GALNT17: variants seen among roughly 807,000 people sequenced by gnomAD.
GALNT17 encodes polypeptide N-acetylgalactosaminyltransferase 17.
GALNT17 carries 29 observed loss-of-function variants against 63.7 expected under a neutral mutation model. The observed-to-expected ratio is 0.46, with a 90% CI of 0.34 to 0.62. The LOEUF (loss-of-function observed/expected upper bound fraction) is 0.62, where lower values mean the gene tolerates loss of function less well. GALNT17 is among the 20% of genes least tolerant of loss of function. The pLI is 0.01. For synonymous variants in GALNT17, 305 were observed against 318.3 expected (o/e 0.96, Z 0.45); for missense variants, 603 against 799.6 (o/e 0.75, Z 2.97).
intron 9 of GALNT17, among the ~76,000 whole-genome samples, chr7:71,693,297 C>CATATATATATAT (rs1277874254): frequency 2.6e-5 from 3 of 115,664 alleles, no homozygotes; most frequent in African/African-American, 1.2e-4. Flanking sequence ...CACACACACA[C>CATATATATATAT]ACACACACAC....
intron 1 of GALNT17, among the ~76,000 whole-genome samples, chr7:71,187,643 G>A (rs924534022): frequency 5.3e-5 from 8 of 152,066 alleles, no homozygotes; most frequent in African/African-American, 1.9e-4. Context: ...AAATTCAGAG[G>A]TACTGACGTG....
Position 71,607,737 on chromosome 7 carries a change from GAAAA to G in GALNT17, c.1080+36340_1080+36343del, listed in dbSNP as rs369505693. The stretch of plus-strand genomic sequence containing the variant: ...AAACATAATTTCCCAAAGAAAAGGA[GAAAA>G]AAAACCCCACAGATTAAAAGAGGAA... On this transcript the variant is annotated intron_variant, in intron 6 of 10. Transcript: ENST00000333538. Among the ~76,000 whole-genome samples, 477 of 151,902 alleles carry G rather than the reference GAAAA, an allele frequency of 3.1e-3. 4 individuals are homozygous for G. The highest frequency in any genetic ancestry group is 0.01 in the African/African-American group (417 of 41,460).
chr7:71,292,615 T>G (rs1790997710), intron 1 of GALNT17, among the ~76,000 whole-genome samples: 1 of 150,300 alleles, frequency 6.7e-6, no homozygotes, highest in African/African-American at 2.5e-5. Context: ...TATCTCCACA[T>G]AGGTACCATT....
chr7:71,139,185 C>T (rs1189772036), intron 1 of GALNT17, among the ~76,000 whole-genome samples: 4 of 152,156 alleles, frequency 2.6e-5, no homozygotes, highest in African/African-American at 9.6e-5. Flanking sequence ...AGGGCAGAGC[C>T]AGGTTCAGGA....
At chr7:71,513,470 C>T (rs1473822610) in intron 5 of GALNT17, among the ~76,000 whole-genome samples, 1 of 151,964 alleles carries the variant, frequency 6.6e-6, no homozygotes, top group Non-Finnish European at 1.5e-5. Flanking sequence ...ACTGCAACCT[C>T]CGCCTCCCCA....
chr7:71,424,169 A>C (rs1283554200), intron 5 of GALNT17, among the ~76,000 whole-genome samples: 1 of 152,200 alleles, frequency 6.6e-6, no homozygotes, highest in Non-Finnish European at 1.5e-5. Context: ...GGTTAACTAA[A>C]TCTAAGCCTT....
At chr7:71,139,760 TG>T (rs1787852207) in intron 1 of GALNT17, among the ~76,000 whole-genome samples, 1 of 151,906 alleles carries the variant, frequency 6.6e-6, no homozygotes, top group African/African-American at 2.4e-5. Context: ...TGGGAGGCCG[TG>T]GTGGGCAGAT....
At chr7:71,382,791 A>T (rs1437610464) in intron 2 of GALNT17, among the ~76,000 whole-genome samples, 3 of 152,186 alleles carry the variant, frequency 2.0e-5, no homozygotes, top group Middle Eastern at 3.2e-3. Flanking sequence ...CAGGGGCAGG[A>T]TGGGGAGGTA....
At chr7:71,518,433 A>G (rs1788477095) in intron 5 of GALNT17, among the ~76,000 whole-genome samples, 1 of 152,200 alleles carries the variant, frequency 6.6e-6, no homozygotes. Context: ...CATCACTTCA[A>G]GCCATCAGTA....
intron 5 of GALNT17, among the ~76,000 whole-genome samples, chr7:71,434,266 A>G (rs1422241739): frequency 6.6e-6 from 1 of 152,108 alleles, no homozygotes; most frequent in Non-Finnish European, 1.5e-5. Context: ...TTATATATAC[A>G]TCTATCTTAT....
At chr7:71,503,247 C>T (rs968372980) in intron 5 of GALNT17, among the ~76,000 whole-genome samples, 3 of 152,142 alleles carry the variant, frequency 2.0e-5, no homozygotes, top group African/African-American at 7.2e-5. Context: ...TCATAATTTA[C>T]ATCACTTTTC....
intron 5 of GALNT17, among the ~76,000 whole-genome samples, chr7:71,498,245 G>A: frequency 6.6e-6 from 1 of 152,166 alleles, no homozygotes; most frequent in Non-Finnish European, 1.5e-5. Flanking sequence ...GTAGGCTGAG[G>A]TGGGCGGATC....
chr7:71,303,289 G>A, intron 1 of GALNT17, among the ~76,000 whole-genome samples: 1 of 152,066 alleles, frequency 6.6e-6, no homozygotes, highest in East Asian at 1.9e-4. Flanking sequence ...GAGGAGCAGA[G>A]ACTATAGGTG....
chr7:71,210,419 G>A (rs983768943), intron 1 of GALNT17, among the ~76,000 whole-genome samples: 1 of 152,186 alleles, frequency 6.6e-6, no homozygotes, highest in Non-Finnish European at 1.5e-5. Context: ...TTACAGGCAT[G>A]AGTCACCACT....
intron 3 of GALNT17, among the ~76,000 whole-genome samples, chr7:71,411,418 C>T (rs1302515155): frequency 6.6e-6 from 1 of 151,956 alleles, no homozygotes; most frequent in Non-Finnish European, 1.5e-5. Context: ...CCGTGCCTGG[C>T]CAAGGGGGTG....
At position 71,444,988 on chromosome 7, in the gene GALNT17, T is replaced by C. The variant is rs141610363; in HGVS notation, c.962+23883T>C. ...GCACTGGGAATATTCTCCAAAGCGG[T>C]GTCTCTGGAGGGAAAGTGACAGGAG... On this transcript the variant is annotated intron_variant, in intron 5 of 10. Transcript: ENST00000333538. Among the ~76,000 whole-genome samples, 286 of 152,126 alleles carry C rather than the reference T, an allele frequency of 1.9e-3. 1 individual carries two copies. Among genetic ancestry groups the C allele is most frequent in the African/African-American group, 6.0e-3 (248 of 41,504 alleles).
intron 9 of GALNT17, among the ~76,000 whole-genome samples, chr7:71,690,862 A>G (rs1791433712): frequency 6.6e-6 from 1 of 152,094 alleles, no homozygotes; most frequent in African/African-American, 2.4e-5. Context: ...AAACATGAAC[A>G]AAGAGTTGTT....
chr7:71,413,525 C>T (rs920223167), intron 3 of GALNT17, among the ~76,000 whole-genome samples: 1 of 131,812 alleles, frequency 7.6e-6, no homozygotes, highest in African/African-American at 3.0e-5. Context: ...GCCACCATGC[C>T]CAGCTATTAT....
chr7:71,409,561 G>A (rs959395777), intron 3 of GALNT17, among the ~76,000 whole-genome samples: 1 of 152,196 alleles, frequency 6.6e-6, no homozygotes, highest in African/African-American at 2.4e-5. Flanking sequence ...TGAGAGGTCA[G>A]GTTGCCCACC....
Sources: gnomAD v4.1 joint callset for allele counts (sites outside exome capture counted in the v4.1 genomes callset) on GRCh38, gnomAD v4.1.1 for gene constraint, MANE v1.5 for transcripts, NCBI Gene and HGNC (gene_info 2026-07-23, HGNC 2026-07-21) for gene names.